The following PTPRA variants were observed in gnomAD, a reference collection of about 807,000 sequenced individuals.
PTPRA encodes the protein receptor-type tyrosine-protein phosphatase alpha.
A neutral mutation model predicts 104.8 loss-of-function variants in PTPRA; 25 were observed. The observed-to-expected ratio is 0.24, with a 90% CI of 0.17 to 0.33. PTPRA has a LOEUF of 0.33. Ranked by LOEUF, PTPRA falls within the 10% of genes least tolerant of loss-of-function variation. PTPRA has a pLI of 1.00. For missense variants in PTPRA, 765 were observed against 1,015.3 expected (o/e 0.75, Z 3.35); for synonymous variants, 323 against 368.9 (o/e 0.88, Z 1.43).
chr20:3,031,253 A>T (rs774877727), intron 20 of PTPRA, among the ~76,000 whole-genome samples: 1 of 152,088 alleles, frequency 6.6e-6, no homozygotes, highest in Non-Finnish European at 1.5e-5. Context: ...ACTTCATGCT[A>T]TCTGGTGGAA....
Position 2,895,375 on chromosome 20 carries a change from CA to C in PTPRA, c.-129+21616del, listed in dbSNP as rs1249399941. Among the ~76,000 whole-genome samples the C allele has an allele frequency of 3.8e-3, 581 of 152,210 alleles. 7 individuals are homozygous for C. Among genetic ancestry groups the C allele is most frequent in the African/African-American group, 0.013 (534 of 41,544 alleles). ...CTGGGATTACAGGTGTGAGCCACCA[CA>C]CCCAGCCTACTACATATTCTTTTAG... On this transcript the variant is annotated intron_variant, in intron 1 of 23. Coordinates refer to ENST00000399903, the MANE Select transcript of PTPRA (RefSeq NM_001385305.1).
intron 6 of PTPRA, among the ~76,000 whole-genome samples, chr20:2,976,351 A>C (rs747856555): frequency 4.6e-5 from 7 of 152,228 alleles, no homozygotes; most frequent in Non-Finnish European, 8.8e-5. Flanking sequence ...CAAAAGTCAA[A>C]GTGGTAGGCT....
At chr20:2,869,752 G>A (rs1277241720), upstream of PTPRA, among the ~76,000 whole-genome samples, 1 of 152,100 alleles carries the variant, frequency 6.6e-6, no homozygotes, top group Non-Finnish European at 1.5e-5. Context: ...GATCACCTGG[G>A]GTCAGGAGTT....
chr20:3,020,201 C>T (rs1055592093), intron 13 of PTPRA, among the ~76,000 whole-genome samples: 25 of 152,046 alleles, frequency 1.6e-4, no homozygotes, highest in African/African-American at 5.3e-4. Flanking sequence ...CTCCGCCTCC[C>T]GGGTTCACAC....
intron 13 of PTPRA, among the ~76,000 whole-genome samples, chr20:3,020,518 T>G (rs1337766972): frequency 6.6e-6 from 1 of 152,212 alleles, no homozygotes; most frequent in Non-Finnish European, 1.5e-5. Flanking sequence ...ACTGAGACCC[T>G]GCAAGCCAAA....
intron 9 of PTPRA, among the ~76,000 whole-genome samples, chr20:2,999,599 G>T (rs547947566): frequency 2.6e-5 from 4 of 152,160 alleles, no homozygotes; most frequent in Non-Finnish European, 5.9e-5. Context: ...TTGCAGTTTG[G>T]GTGGGGAAAA....
At chr20:2,872,287 C>G (rs2089448678), upstream of PTPRA, among the ~76,000 whole-genome samples, 1 of 152,218 alleles carries the variant, frequency 6.6e-6, no homozygotes, top group African/African-American at 2.4e-5. This position sits in a 1 kb window ranked among gnomAD's most constrained non-coding sequence, Gnocchi z 7.9. Context: ...AGAGTTGCCG[C>G]CGGTCACAAC....
rs1452332787 is a variant in PTPRA at position 3,017,809 on chromosome 20, A to G, written c.944-7A>G. ...ATTCTCTTCATTTTTGCTGTTGGCTACTTTAGGACCAAAAGAAGAAACGGT... is the reference window on the plus strand; with the variant it reads ...ATTCTCTTCATTTTTGCTGTTGGCTGCTTTAGGACCAAAAGAAGAAACGGT... On this transcript the variant is annotated splice_polypyrimidine_tract_variant and splice_region_variant and intron_variant, in intron 12 of 23. Coordinates refer to ENST00000399903, the MANE Select transcript of PTPRA (RefSeq NM_001385305.1). The G allele has an allele frequency of 1.2e-6, 2 of 1,613,252 alleles. No homozygotes were observed. Among genetic ancestry groups the G allele is most frequent in the Non-Finnish European group, 1.7e-6 (2 of 1,179,194 alleles).
the PTPRA span, chr20:2,864,722 C>T: frequency 3.3e-6 from 5 of 1,536,362 alleles, no homozygotes; most frequent in Non-Finnish European, 4.5e-6. This position sits in a 1 kb window ranked among gnomAD's most constrained non-coding sequence, Gnocchi z 5.2. Flanking sequence ...CCGGTTCCTT[C>T]AGGAATCTAG....
intron 2 of PTPRA, among the ~76,000 whole-genome samples, chr20:2,938,468 G>C (rs529989456): frequency 6.6e-6 from 1 of 151,944 alleles, no homozygotes; most frequent in Non-Finnish European, 1.5e-5. Flanking sequence ...TTACAGATGC[G>C]AGCCACCGTA....
chr20:2,965,258 T>G, intron 5 of PTPRA, 56 bp downstream of exon 5: 5 of 1,457,706 alleles, frequency 3.4e-6, no homozygotes, highest in Non-Finnish European at 4.6e-6. Context: ...CTTCCTTTTA[T>G]TATCTTGTTT....
chr20:2,884,954 C>T (rs1213942409), intron 1 of PTPRA, among the ~76,000 whole-genome samples: 4 of 151,998 alleles, frequency 2.6e-5, no homozygotes, highest in Admixed American at 6.6e-5. Context: ...GGACTACAGG[C>T]GCCCCCCACC....
intron 11 of PTPRA, among the ~76,000 whole-genome samples, chr20:3,015,513 G>A (rs1012120735): frequency 1.3e-5 from 2 of 151,904 alleles, no homozygotes; most frequent in African/African-American, 4.8e-5. Flanking sequence ...CACCATGTTG[G>A]CCCCATGCTC....
chr20:2,912,064 G>A (rs979152033), intron 1 of PTPRA, among the ~76,000 whole-genome samples: 4 of 151,864 alleles, frequency 2.6e-5, no homozygotes, highest in African/African-American at 9.7e-5. Context: ...GCAACCTGGT[G>A]AAACCCCATC....
At position 3,004,277 on chromosome 20, in the gene PTPRA, C is replaced by T. The variant is rs183432054; in HGVS notation, c.739-779C>T. Reference sequence around the variant, plus strand: ...AGGTGATCCACCCGCCTCAGCCTCCCAAAGTGCTGGGATTACAGGCGTGAG... The same window carrying T: ...AGGTGATCCACCCGCCTCAGCCTCCTAAAGTGCTGGGATTACAGGCGTGAG... On this transcript the variant is annotated intron_variant, in intron 9 of 23. Transcript: ENST00000399903. Among the ~76,000 whole-genome samples the T allele has an allele frequency of 2.2e-4, 34 of 152,322 alleles. No homozygotes were observed. The East Asian group carries it at 5.4e-3, about 24-fold the overall frequency.
At chr20:3,005,544 G>T (rs552893982) in intron 10 of PTPRA, among the ~76,000 whole-genome samples, 2 of 151,854 alleles carry the variant, frequency 1.3e-5, no homozygotes, top group Admixed American at 1.3e-4. Context: ...GGGCAAGACC[G>T]TGTCTCAAAA....
chr20:2,904,329 A>G (rs2147134759), intron 1 of PTPRA, among the ~76,000 whole-genome samples: 1 of 152,282 alleles, frequency 6.6e-6, no homozygotes, highest in East Asian at 1.9e-4. Context: ...AATAGGCAAG[A>G]CTAATTTGAA....
At chr20:3,034,981 GAA>G (rs1310737003) in intron 20 of PTPRA, among the ~76,000 whole-genome samples, 1 of 152,128 alleles carries the variant, frequency 6.6e-6, no homozygotes, top group Non-Finnish European at 1.5e-5. Flanking sequence ...ATACAGAGAT[GAA>G]AAGAGACGCA....
intron 2 of PTPRA, among the ~76,000 whole-genome samples, chr20:2,930,512 T>C (rs2060466760): frequency 6.6e-6 from 1 of 152,246 alleles, no homozygotes; most frequent in Admixed American, 6.5e-5. Flanking sequence ...AGCAGAAATA[T>C]ATTGTCTGGC....
Sources: gnomAD v4.1 joint callset for allele counts (sites outside exome capture counted in the v4.1 genomes callset) on GRCh38, gnomAD v4.1.1 for gene constraint, Gnocchi (gnomAD v3.1) non-coding constraint, MANE v1.5 for transcripts, NCBI Gene and HGNC (gene_info 2026-07-23, HGNC 2026-07-21) for gene names.